Variants in SLAMF1 observed in about 807,000 individuals in gnomAD.
SLAMF1 encodes signaling lymphocytic activation molecule family member 1, also known as signaling lymphocytic activation molecule.
Under a neutral mutation model 35.1 loss-of-function variants are expected in SLAMF1, and 18 were observed. That is an observed-to-expected ratio of 0.51 (90% CI 0.35 to 0.76). The LOEUF (loss-of-function observed/expected upper bound fraction) is 0.76, where lower values mean the gene tolerates loss of function less well. Among genes scored for constraint, SLAMF1 ranks in the 30% least tolerant of loss-of-function variants. The pLI, the probability that SLAMF1 is intolerant of heterozygous loss-of-function variation, is 0.01. For synonymous variants in SLAMF1, 168 were observed against 157.2 expected, an observed-to-expected ratio of 1.07 and a Z score of -0.51; for missense variants, 392 against 413.0, an observed-to-expected ratio of 0.95 and a Z score of 0.44.
intron 6 of SLAMF1, among the ~76,000 whole-genome samples, chr1:160,611,799 G>C (rs1345022102): frequency 2.0e-5 from 3 of 152,098 alleles, no homozygotes; most frequent in East Asian, 1.9e-4. Context: ...GATTAAATGG[G>C]GCTGCACAGA....
chr1:160,631,826 G>GA (rs1346914690), intron 3 of SLAMF1, among the ~76,000 whole-genome samples: 1 of 152,124 alleles, frequency 6.6e-6, no homozygotes, highest in Non-Finnish European at 1.5e-5. Context: ...AGAACCAGGA[G>GA]AAAAATAAAT....
At position 160,618,936 on chromosome 1, in the gene SLAMF1, G is replaced by T. The variant is rs116354478; in HGVS notation, c.864+840C>A. Among the ~76,000 whole-genome samples the T allele has an allele frequency of 6.5e-3, 986 of 152,244 alleles. 16 individuals are homozygous for T. The highest frequency in any genetic ancestry group is 0.022 in the African/African-American group (920 of 41,538). On this transcript the variant is annotated intron_variant, in intron 5 of 6. Coordinates refer to ENST00000302035, the MANE Select transcript of SLAMF1 (RefSeq NM_003037.5). ...GCTGGGTTGTGTAATAAGCCCTCCA[G>T]GCCACTAGGGGACAGCAGAAATAAG...
At chr1:160,640,948 T>C (rs894531181) in intron 1 of SLAMF1, among the ~76,000 whole-genome samples, 13 of 152,152 alleles carry the variant, frequency 8.5e-5, no homozygotes, top group African/African-American at 3.1e-4. Context: ...GCATGTTGGA[T>C]TTTCTTCCAC....
intron 5 of SLAMF1, among the ~76,000 whole-genome samples, chr1:160,612,884 G>A (rs1379808819): frequency 6.6e-6 from 1 of 152,154 alleles, no homozygotes; most frequent in Non-Finnish European, 1.5e-5. Flanking sequence ...AATTGGTGTG[G>A]CTCTTACAGG....
At chr1:160,620,367 G>A (rs77165084) in intron 4 of SLAMF1, among the ~76,000 whole-genome samples, 6,942 of 152,168 alleles carry the variant, frequency 0.046, 515 homozygotes, top group African/African-American at 0.16. Flanking sequence ...GGAGGTAAGG[G>A]CGGGGGGACG....
chr1:160,641,510 A>G (rs1660745295), intron 1 of SLAMF1, among the ~76,000 whole-genome samples: 1 of 152,184 alleles, frequency 6.6e-6, no homozygotes, highest in African/African-American at 2.4e-5. Flanking sequence ...ACATAGAAGG[A>G]GAAAGAGGAA....
chr1:160,643,267 T>C (rs1660853369), intron 1 of SLAMF1, among the ~76,000 whole-genome samples: 1 of 152,196 alleles, frequency 6.6e-6, no homozygotes, highest in African/African-American at 2.4e-5. Flanking sequence ...TTACATGTCT[T>C]GGCTTTTATG....
At chr1:160,630,989 C>T (rs1036715510) in intron 3 of SLAMF1, among the ~76,000 whole-genome samples, 11 of 152,084 alleles carry the variant, frequency 7.2e-5, no homozygotes, top group African/African-American at 2.7e-4. Flanking sequence ...TGTTGCCTTG[C>T]ATATATTTCC....
In SLAMF1 at chr1:160,609,976, C is replaced by G. The variant is rs1658895110; in HGVS notation, c.*772G>C. ...GACAAGTTCCTCTGAGTATTCCAAG[C>G]TCCTTTGTAACAGCACCATCAAACA... is the stretch of plus-strand genomic sequence containing the variant. On this transcript the variant is annotated 3_prime_UTR_variant, in exon 7 of 7. Transcript: ENST00000302035. 5.3e-6 allele frequency: 1 copy of G among 187,462 alleles called. No homozygotes were observed. The highest frequency in any genetic ancestry group is 2.4e-5 in the African/African-American group (1 of 41,712). 11.6% of individuals were successfully genotyped at this position (187,462 alleles called of 1,614,324 possible).
At chr1:160,634,259 T>C (rs1380200081) in intron 3 of SLAMF1, 2 of 192,104 alleles carry the variant, frequency 1.0e-5, no homozygotes, top group Admixed American at 6.5e-5. Flanking sequence ...CCAGCATTAG[T>C]GGAGCATAGA....
intron 6 of SLAMF1, among the ~76,000 whole-genome samples, chr1:160,612,094 G>C (rs1277058892): frequency 6.6e-6 from 1 of 152,114 alleles, no homozygotes; most frequent in Non-Finnish European, 1.5e-5. Context: ...CCAGCAGGGG[G>C]TTAGCAGTGG....
At chr1:160,640,298 G>GC (rs1660668848) in intron 1 of SLAMF1, among the ~76,000 whole-genome samples, 1 of 124,882 alleles carries the variant, frequency 8.0e-6, no homozygotes, top group Non-Finnish European at 1.6e-5. Context: ...CCTGACCAAA[G>GC]CCTCTTATTT....
chr1:160,640,357 T>TATATATAC (rs1332340284), intron 1 of SLAMF1, among the ~76,000 whole-genome samples: 2 of 105,478 alleles, frequency 1.9e-5, no homozygotes, highest in East Asian at 2.2e-4. Context: ...TATATATATA[T>TATATATAC]ATACACACAC....
chr1:160,612,336 C>T, intron 6 of SLAMF1, 152 bp downstream of exon 6: 1 of 564,168 alleles, frequency 1.8e-6, no homozygotes, highest in Non-Finnish European at 3.2e-6. Context: ...TTGTTATACA[C>T]AGTATTTTGT....
At chr1:160,643,018 T>C (rs1194379688) in intron 1 of SLAMF1, among the ~76,000 whole-genome samples, 2 of 131,264 alleles carry the variant, frequency 1.5e-5, no homozygotes, top group Non-Finnish European at 3.3e-5. Context: ...ATTAAATGAC[T>C]CACAGTAAAT....
chr1:160,614,761 A>G (rs1659201181), intron 5 of SLAMF1, among the ~76,000 whole-genome samples: 1 of 152,204 alleles, frequency 6.6e-6, no homozygotes, highest in African/African-American at 2.4e-5. Flanking sequence ...CCATAGTCCT[A>G]TTAAGACTCT....
chr1:160,632,041 C>G (rs6703758), intron 3 of SLAMF1, among the ~76,000 whole-genome samples: 3 of 151,894 alleles, frequency 2.0e-5, no homozygotes, highest in African/African-American at 7.3e-5. Context: ...TGGGAGAGAT[C>G]CTTCTCTGAC....
rs920284131 is a variant in SLAMF1, at chr1:160,646,734, T to C, written c.76+136A>G. ...TTCCTTCCTCTTTGAAAGAGGCAGTTGAAACTGACAGCCAGTCCCTAAGGA... is the reference window on the plus strand; with the variant it reads ...TTCCTTCCTCTTTGAAAGAGGCAGTCGAAACTGACAGCCAGTCCCTAAGGA... On this transcript the variant is annotated intron_variant, in intron 1 of 6. Coordinates refer to ENST00000302035, the MANE Select transcript of SLAMF1 (RefSeq NM_003037.5). 3 of 608,858 alleles carry C rather than the reference T, an allele frequency of 4.9e-6. No homozygotes were observed. In the African/African-American group the frequency reaches 5.5e-5, roughly 11 times the overall value. 37.7% of individuals were successfully genotyped at this position (608,858 alleles called of 1,614,324 possible).
At chr1:160,620,816 A>G (rs1659570090) in intron 4 of SLAMF1, among the ~76,000 whole-genome samples, 1 of 152,382 alleles carries the variant, frequency 6.6e-6, no homozygotes, top group East Asian at 1.9e-4. Flanking sequence ...CAGCTTACAG[A>G]CACGGGGCTA....
Sources: allele counts gnomAD v4.1 joint callset (sites outside exome capture counted in the v4.1 genomes callset), GRCh38; gene constraint gnomAD v4.1.1; transcripts MANE v1.5; gene names NCBI Gene and HGNC (gene_info 2026-07-23, HGNC 2026-07-21).